Variants in CLMN observed in about 807,000 individuals in gnomAD.
The protein encoded by CLMN is calmin, also known as calmin (calponin-like, transmembrane).
CLMN carries 57 observed loss-of-function variants against 92.7 expected under a neutral mutation model. The ratio of observed to expected loss-of-function variants is 0.61; its 90% confidence interval spans 0.50 to 0.77. CLMN has a LOEUF of 0.77. Among genes scored for constraint, CLMN ranks in the 30% least tolerant of loss-of-function variants. CLMN has a pLI of 0.00. For missense variants in CLMN, 1,158 were observed against 1,237.5 expected (o/e 0.94, Z 0.96); for synonymous variants, 466 against 470.6 (o/e 0.99, Z 0.13).
Position 95,205,949 on chromosome 14 carries a change from G to A in CLMN, c.886-1486C>T, listed in dbSNP as rs186168544. Among the ~76,000 whole-genome samples, 158 of 152,172 alleles carry A rather than the reference G, an allele frequency of 1.0e-3. 1 individual carries two copies. Among genetic ancestry groups the A allele is most frequent in the Non-Finnish European group, 4.0e-4 (27 of 67,996 alleles). On this transcript the variant is annotated intron_variant, in intron 8 of 12. Transcript: ENST00000298912. The stretch of plus-strand genomic sequence containing the variant: ...ACCAATGGAAAACAATAACCAAGAT[G>A]GTAGATGAAACCCGTATAAACGTAT...
intron 4 of CLMN, among the ~76,000 whole-genome samples, chr14:95,218,146 T>G (rs763866830): frequency 3.3e-5 from 5 of 152,244 alleles, no homozygotes; most frequent in Non-Finnish European, 7.3e-5. Flanking sequence ...TGTGGAAATA[T>G]TCCGTCTCCC....
chr14:95,203,799 C>T lies in CLMN; in HGVS notation c.1550G>A (p.Arg517His), dbSNP rs78561092. ...SCNGALESTA[R>H]HDEESHSLSP... is the part of the protein sequence containing the mutation. ...AAGAGAGTGACTTTCTTCATCGTGG[C>T]GGGCTGTACTCTCTAAAGCACCATT... Residue 517 changes from arginine (R) to histidine (H), a missense_variant, in exon 9 of 13, where the codon CGC becomes CAC. Coordinates refer to ENST00000298912, the MANE Select transcript of CLMN (RefSeq NM_024734.4). 634 of 1,614,056 alleles carry T rather than the reference C, an allele frequency of 3.9e-4. 5 individuals carry two copies. The East Asian group carries it at 0.012, about 31-fold the overall frequency.
chr14:95,271,381 T>C (rs1359221908), intron 1 of CLMN, among the ~76,000 whole-genome samples: 1 of 152,236 alleles, frequency 6.6e-6, no homozygotes, highest in African/African-American at 2.4e-5. Flanking sequence ...AGCAGCCGTG[T>C]TCTCCCGACC....
At position 95,186,504 on chromosome 14, in the gene CLMN, T is replaced by A. The variant is rs531001740; in HGVS notation, c.*5060A>T. The A allele has an allele frequency of 6.6e-6, 1 of 152,242 alleles. No individual in the cohort carries two copies. The highest frequency in any genetic ancestry group is 1.5e-5 in the Non-Finnish European group (1 of 68,038). The allele number at this position is 152,242 out of a possible 1,614,324, so 9.4% of individuals were successfully genotyped here. On this transcript the variant is annotated 3_prime_UTR_variant, in exon 13 of 13. Coordinates refer to ENST00000298912, the MANE Select transcript of CLMN (RefSeq NM_024734.4). Reference sequence around the variant, plus strand: ...CAAGATACAAACTTCGACGAGGCAATGTTGGCCACGTTCAACAGAGAATCC... The same window carrying A: ...CAAGATACAAACTTCGACGAGGCAAAGTTGGCCACGTTCAACAGAGAATCC...
intron 1 of CLMN, among the ~76,000 whole-genome samples, chr14:95,241,681 G>T (rs188007430): frequency 6.6e-6 from 1 of 152,206 alleles, no homozygotes; most frequent in Non-Finnish European, 1.5e-5. Context: ...CAGAGGCTGC[G>T]TAAGCTGGAG....
intron 8 of CLMN, among the ~76,000 whole-genome samples, chr14:95,208,275 G>C (rs920302034): frequency 1.3e-5 from 2 of 152,172 alleles, no homozygotes; most frequent in South Asian, 4.1e-4. Flanking sequence ...CCCTAAGCCA[G>C]GGGCAAGGGT....
chr14:95,296,367 C>T (rs949632345), intron 1 of CLMN: 9 of 152,238 alleles, frequency 5.9e-5, no homozygotes, highest in African/African-American at 2.2e-4. Context: ...GATCAAAAGC[C>T]CTGCTGTAAA....
chr14:95,207,276 T>C (rs1460956014), intron 8 of CLMN, among the ~76,000 whole-genome samples: 2 of 152,212 alleles, frequency 1.3e-5, no homozygotes, highest in African/African-American at 4.8e-5. Context: ...CACAGTATAT[T>C]ATTCTTTCTT....
intron 1 of CLMN, among the ~76,000 whole-genome samples, chr14:95,306,792 A>T (rs1901298036): frequency 6.6e-6 from 1 of 152,218 alleles, no homozygotes; most frequent in Non-Finnish European, 1.5e-5. Context: ...TACGGATCTT[A>T]TCAAAATTAT....
chr14:95,194,298 T>G lies in CLMN; in HGVS notation c.2769+238A>C. 7.1e-7 allele frequency: 1 copy of G among 1,412,876 alleles called. No individual in the cohort carries two copies. 87.5% of individuals were successfully genotyped at this position (1,412,876 alleles called of 1,614,324 possible). On this transcript the variant is annotated intron_variant, in intron 11 of 12. Transcript: ENST00000298912. This position sits in a 1 kb window ranked among gnomAD's most constrained non-coding sequence, Gnocchi z 4.0. ...CAGGTGAGGCGTTTTGGGTGCGTTTTTATAGCAAGGAGGCCTTTGGGCTTT... is the reference window on the plus strand; with the variant it reads ...CAGGTGAGGCGTTTTGGGTGCGTTTGTATAGCAAGGAGGCCTTTGGGCTTT...
At chr14:95,319,374 G>C (rs1166650812) in intron 1 of CLMN, among the ~76,000 whole-genome samples, 1 of 150,332 alleles carries the variant, frequency 6.7e-6, no homozygotes, top group African/African-American at 2.5e-5. Context: ...CCCTAACCTG[G>C]GCCACCGCCC....
At chr14:95,243,842 T>G (rs1898354858) in intron 1 of CLMN, among the ~76,000 whole-genome samples, 1 of 152,078 alleles carries the variant, frequency 6.6e-6, no homozygotes, top group South Asian at 2.1e-4. Flanking sequence ...TGGTTTGGAT[T>G]TGTGTCCCCA....
chr14:95,213,489 G>A, intron 5 of CLMN, 80 bp from the exon 6 acceptor site: 1 of 1,364,876 alleles, frequency 7.3e-7, no homozygotes, highest in East Asian at 2.4e-5. Flanking sequence ...GTGGCCATAT[G>A]GACCATGGCT....
chr14:95,298,693 A>G (rs1900913967), intron 1 of CLMN, among the ~76,000 whole-genome samples: 1 of 152,248 alleles, frequency 6.6e-6, no homozygotes, highest in African/African-American at 2.4e-5. Flanking sequence ...AAAAAGAGGT[A>G]CATCTATACC....
At chr14:95,293,668 C>T in intron 1 of CLMN, among the ~76,000 whole-genome samples, 1 of 151,756 alleles carries the variant, frequency 6.6e-6, no homozygotes, top group Non-Finnish European at 1.5e-5. Flanking sequence ...TGTACTGCGC[C>T]CCCTGTCTCC....
intron 2 of CLMN, among the ~76,000 whole-genome samples, chr14:95,224,210 G>T (rs1897639412): frequency 6.6e-6 from 1 of 152,222 alleles, no homozygotes; most frequent in South Asian, 2.1e-4. Context: ...TCCTTCTGTA[G>T]AATAAAACAA....
At chr14:95,258,536 G>A (rs1899108679) in intron 1 of CLMN, among the ~76,000 whole-genome samples, 1 of 149,746 alleles carries the variant, frequency 6.7e-6, no homozygotes, top group Admixed American at 6.7e-5. Context: ...GTGTGCGGAG[G>A]ATGTGTTTGT....
rs1024078735 is a variant in CLMN, at chr14:95,259,451, C to T, written c.83-29318G>A. On this transcript the variant is annotated intron_variant, in intron 1 of 12. Coordinates refer to ENST00000298912, the MANE Select transcript of CLMN (RefSeq NM_024734.4). This position sits in a 1 kb window ranked among gnomAD's most constrained non-coding sequence, Gnocchi z 4.3. ...CCAGAATGTGCACTTTATGAGGACA[C>T]GGAGGAAACCCCCACCCACCTCTTC... 6.6e-5 allele frequency among the ~76,000 whole-genome samples: 10 copies of T among 152,084 alleles called. No individual in the cohort carries two copies. Among genetic ancestry groups the T allele is most frequent in the South Asian group, 2.1e-4 (1 of 4,832 alleles).
intron 9 of CLMN, among the ~76,000 whole-genome samples, chr14:95,197,338 AAAAGT>A (rs1263250187): frequency 6.6e-6 from 1 of 151,848 alleles, no homozygotes; most frequent in African/African-American, 2.4e-5. Flanking sequence ...AAGAAAGAAG[AAAAGT>A]AAAGAAGAAA....
Sources: allele counts gnomAD v4.1 joint callset (sites outside exome capture counted in the v4.1 genomes callset), GRCh38; gene constraint gnomAD v4.1.1; non-coding constraint Gnocchi (gnomAD v3.1); transcripts MANE v1.5; gene names NCBI Gene and HGNC (gene_info 2026-07-23, HGNC 2026-07-21).